The following PTGDR variants were observed in gnomAD, a reference collection of about 807,000 sequenced individuals.
PTGDR encodes prostaglandin D2 receptor, also known as PGD2 receptor.
In PTGDR, 19 loss-of-function variants were observed where a neutral mutation model predicts 17.4. That is an observed-to-expected ratio of 1.09 (90% CI 0.76 to 1.60). The LOEUF (loss-of-function observed/expected upper bound fraction) is 1.60, where lower values mean the gene tolerates loss of function less well. PTGDR is among the 40% of genes most tolerant of loss of function. The probability of loss-of-function intolerance (pLI) is 0.00; values close to 1 mark genes in which losing one functional copy is unlikely to be tolerated. For synonymous variants in PTGDR, 267 were observed against 224.2 expected, an observed-to-expected ratio of 1.19 and a Z score of -1.71; for missense variants, 526 against 481.9, an observed-to-expected ratio of 1.09 and a Z score of -0.86.
chr14:52,271,513 T>C (rs1241406447), intron 1 of PTGDR, among the ~76,000 whole-genome samples: 1 of 152,200 alleles, frequency 6.6e-6, no homozygotes, highest in Non-Finnish European at 1.5e-5. Flanking sequence ...GTGTTTTCCA[T>C]ATGTACAAGG....
chr14:52,268,060 G>T lies in PTGDR; in HGVS notation c.246G>T (p.Val82=). Residue 82 remains valine, a synonymous_variant, in exon 1 of 2, where the codon GTG becomes GTT. Coordinates refer to ENST00000306051, the MANE Select transcript of PTGDR (RefSeq NM_000953.3). ...TGGGCAAGTGCCTCCTAAGCCCGGT[G>T]GTGCTGGCTGCCTACGCTCAGAACC... ...DLLGKCLLSP[V]VLAAYAQNRS... 6.2e-7 allele frequency: 1 copy of T among 1,612,942 alleles called. No individual in the cohort carries two copies.
At chr14:52,272,215 C>T (rs1335986252) in intron 1 of PTGDR, among the ~76,000 whole-genome samples, 3 of 152,080 alleles carry the variant, frequency 2.0e-5, no homozygotes, top group Non-Finnish European at 2.9e-5. Context: ...CACTTGTAAT[C>T]GTAGCATTTT....
intron 1 of PTGDR, 44 bp downstream of exon 1, chr14:52,268,704 G>T: frequency 6.6e-7 from 1 of 1,514,002 alleles, no homozygotes; most frequent in East Asian, 2.3e-5. Flanking sequence ...GAGACTGTCC[G>T]GCCGCGGATG....
In PTGDR at chr14:52,267,960, G is replaced by A; in HGVS notation, c.146G>A (p.Cys49Tyr). 6.2e-7 allele frequency: 1 copy of A among 1,609,324 alleles called. No individual in the cohort carries two copies. ...CTGGCGCGCTCGGGGCTGGGGTGGT[G>A]CTCGCGGCGTCCACTGCGCCCGCTG... ...GLLARSGLGW[C>Y]SRRPLRPLPS... The change falls in exon 1 of 2, where the codon TGC becomes TAC. Residue 49 changes from cysteine to tyrosine, a missense_variant. Cys to Tyr is a radical substitution (Grantham distance 194). Transcript: ENST00000306051.
intron 1 of PTGDR, chr14:52,269,543 T>A (rs898197734): frequency 6.5e-7 from 1 of 1,528,750 alleles, no homozygotes; most frequent in Non-Finnish European, 8.8e-7. Context: ...TCTCCCAAGG[T>A]ACCTGTTCAA....
At chr14:52,274,320 A>G (rs1346700891) in intron 1 of PTGDR, among the ~76,000 whole-genome samples, 3 of 152,234 alleles carry the variant, frequency 2.0e-5, no homozygotes, top group Non-Finnish European at 4.4e-5. Flanking sequence ...CAGGGAGAAG[A>G]AAGAAAGGAG....
At chr14:52,270,881 G>T (rs1160795291) in intron 1 of PTGDR, among the ~76,000 whole-genome samples, 4 of 152,212 alleles carry the variant, frequency 2.6e-5, no homozygotes, top group Admixed American at 2.6e-4. Context: ...CGGAGACTTG[G>T]ATAACTCCTA....
chr14:52,268,584 C>A lies in PTGDR; in HGVS notation c.770C>A (p.Pro257His), dbSNP rs200050784. ...GACGGGAGGGAAGCGTCCCCTCAGC[C>A]CCTGGAGGAGCTGGATCACCTCCTG... ...RADGREASPQ[P>H]LEELDHLLLL... Residue 257 changes from proline (P) to histidine (H), a missense_variant, in exon 1 of 2, where the codon CCC (proline) becomes CAC (histidine). Physicochemically the swap from Pro to His is moderately conservative, Grantham distance 77. Coordinates refer to ENST00000306051, the MANE Select transcript of PTGDR (RefSeq NM_000953.3). The A allele has an allele frequency of 2.5e-6, 4 of 1,611,854 alleles. No individual in the cohort carries two copies. The highest frequency in any genetic ancestry group is 3.4e-6 in the Non-Finnish European group (4 of 1,179,178).
chr14:52,268,908 A>G (rs2033272861), intron 1 of PTGDR, among the ~76,000 whole-genome samples: 1 of 152,162 alleles, frequency 6.6e-6, no homozygotes, highest in Non-Finnish European at 1.5e-5. Flanking sequence ...GTGTCTCCCT[A>G]GCCCAGCAAA....
At chr14:52,274,091 T>C (rs572006741) in intron 1 of PTGDR, among the ~76,000 whole-genome samples, 1 of 151,962 alleles carries the variant, frequency 6.6e-6, no homozygotes, top group Middle Eastern at 3.2e-3. Flanking sequence ...AAAAAAAGGA[T>C]GTCAACCATG....
chr14:52,272,483 T>A lies in PTGDR; in HGVS notation c.847-2248T>A, dbSNP rs990528517. ...CTCTGTCTTAAAAAAAAAAAAAAAA[T>A]ACATGGGCATTTTTAAAAGTGCTCA... On this transcript the variant is annotated intron_variant, in intron 1 of 1. Coordinates refer to ENST00000306051, the MANE Select transcript of PTGDR (RefSeq NM_000953.3). 5.1e-4 allele frequency among the ~76,000 whole-genome samples: 70 copies of A among 136,750 alleles called. 1 individual carries two copies. The highest frequency in any genetic ancestry group is 1.9e-3 in the African/African-American group (64 of 33,648). 89.7% of individuals were successfully genotyped at this position (136,750 alleles called of 152,430 possible). A position where few individuals can be genotyped will look rare whatever the true frequency, so the allele number is the denominator to read the frequency against.
chr14:52,273,723 C>G (rs10498445), intron 1 of PTGDR, among the ~76,000 whole-genome samples: 29,669 of 152,182 alleles, frequency 0.19, 3,563 homozygotes, highest in Middle Eastern at 0.33. Context: ...CTCTGATTGC[C>G]TCGAATGGGT....
downstream of PTGDR, among the ~76,000 whole-genome samples, chr14:52,279,805 T>C (rs1449711969): frequency 6.7e-6 from 1 of 148,550 alleles, no homozygotes; most frequent in Non-Finnish European, 1.5e-5. Context: ...AAAAAAAAAA[T>C]TGCAATGAAT....
downstream of PTGDR, among the ~76,000 whole-genome samples, chr14:52,277,551 C>G (rs1003024250): frequency 1.3e-5 from 2 of 152,214 alleles, no homozygotes; most frequent in Non-Finnish European, 2.9e-5. Flanking sequence ...TCATGTTCCC[C>G]TGGCGAGTTC....
At chr14:52,278,566 T>C (rs932212837), downstream of PTGDR, among the ~76,000 whole-genome samples, 1 of 151,996 alleles carries the variant, frequency 6.6e-6, no homozygotes, top group African/African-American at 2.4e-5. Flanking sequence ...GGTATACATA[T>C]GTAACAAACC....
intron 1 of PTGDR, among the ~76,000 whole-genome samples, chr14:52,274,464 G>A (rs1470419870): frequency 6.6e-6 from 1 of 152,190 alleles, no homozygotes; most frequent in Admixed American, 6.5e-5. Flanking sequence ...AGCCCAGCAG[G>A]TAGAATAGCC....
At position 52,273,543 on chromosome 14, in the gene PTGDR, C is replaced by T. The variant is rs183195785; in HGVS notation, c.847-1188C>T. 3.9e-3 allele frequency among the ~76,000 whole-genome samples: 595 copies of T among 152,260 alleles called. 5 individuals carry two copies. The highest frequency in any genetic ancestry group is 0.014 in the African/African-American group (571 of 41,544). On this transcript the variant is annotated intron_variant, in intron 1 of 1. Coordinates refer to ENST00000306051, the MANE Select transcript of PTGDR (RefSeq NM_000953.3). ...TGTTAAGATTCCCTCCGCCCCCGCC[C>T]GACTTCAGATGGGCGAGGGCATCCA... is the stretch of plus-strand genomic sequence containing the variant.
intron 1 of PTGDR, 93 bp downstream of exon 1, chr14:52,268,753 C>G (rs1257578764): frequency 2.9e-6 from 4 of 1,363,160 alleles, no homozygotes; most frequent in African/African-American, 1.5e-5. Context: ...ATGGACGCGG[C>G]GCCAGGCGAG....
chr14:52,268,898 G>C (rs1412933144), intron 1 of PTGDR, among the ~76,000 whole-genome samples: 2 of 152,192 alleles, frequency 1.3e-5, no homozygotes, highest in Non-Finnish European at 2.9e-5. Context: ...GAGCCCGGCG[G>C]TGTCTCCCTA....
Sources: allele counts gnomAD v4.1 joint callset (sites outside exome capture counted in the v4.1 genomes callset), GRCh38; gene constraint gnomAD v4.1.1; transcripts MANE v1.5; gene names NCBI Gene and HGNC (gene_info 2026-07-23, HGNC 2026-07-21).